The following SKAP2 variants were observed in gnomAD, a reference collection of about 807,000 sequenced individuals.
SKAP2 encodes the protein src kinase associated phosphoprotein 2.
SKAP2 carries 28 observed loss-of-function variants against 54.9 expected under a neutral mutation model. That is an observed-to-expected ratio of 0.51 (90% CI 0.38 to 0.70). The LOEUF (loss-of-function observed/expected upper bound fraction) is 0.70. Ranked by LOEUF, SKAP2 falls within the 30% of genes least tolerant of loss-of-function variation. The pLI is 0.00. For synonymous variants in SKAP2, 137 were observed against 134.3 expected, an observed-to-expected ratio of 1.02 and a Z score of -0.14; for missense variants, 356 against 424.1, an observed-to-expected ratio of 0.84 and a Z score of 1.41.
chr7:26,802,035 A>C (rs1405706458), intron 4 of SKAP2, among the ~76,000 whole-genome samples: 1 of 152,162 alleles, frequency 6.6e-6, no homozygotes, highest in African/African-American at 2.4e-5. Context: ...CAAAAGACTC[A>C]GAACAGCCAA....
intron 4 of SKAP2, among the ~76,000 whole-genome samples, chr7:26,762,481 C>T (rs958242022): frequency 2.9e-4 from 44 of 152,028 alleles, no homozygotes; most frequent in African/African-American, 1.1e-3. Context: ...ATGTATCATC[C>T]ACACACACAT....
At chr7:26,662,273 A>T (rs187588808), downstream of SKAP2, among the ~76,000 whole-genome samples, 241 of 152,244 alleles carry the variant, frequency 1.6e-3, 1 homozygote, top group African/African-American at 5.5e-3. Flanking sequence ...GAATTTTTTT[A>T]AAAATATTTT....
At chr7:26,847,435 G>A (rs1487600480) in intron 3 of SKAP2, among the ~76,000 whole-genome samples, 1 of 151,512 alleles carries the variant, frequency 6.6e-6, no homozygotes, top group Non-Finnish European at 1.5e-5. Context: ...GTTGAGTAGT[G>A]CAAAGCATTT....
intron 4 of SKAP2, among the ~76,000 whole-genome samples, chr7:26,745,385 C>A (rs1028781335): frequency 6.6e-6 from 1 of 152,150 alleles, no homozygotes; most frequent in East Asian, 1.9e-4. Context: ...TATCTTTTTT[C>A]CTGACAATTC....
chr7:26,841,998 C>T (rs1281646344), intron 4 of SKAP2, among the ~76,000 whole-genome samples: 1 of 151,428 alleles, frequency 6.6e-6, no homozygotes, highest in African/African-American at 2.4e-5. Flanking sequence ...ATTTATTCAT[C>T]AAAGGAAAGA....
intron 3 of SKAP2, among the ~76,000 whole-genome samples, chr7:26,851,332 T>C (rs546128865): frequency 6.6e-6 from 1 of 151,450 alleles, no homozygotes; most frequent in Admixed American, 6.6e-5. Context: ...TAGTTCCATC[T>C]ACTCCAGAGG....
downstream of SKAP2, among the ~76,000 whole-genome samples, chr7:26,664,433 G>A (rs548354113): frequency 1.3e-5 from 2 of 152,234 alleles, no homozygotes; most frequent in African/African-American, 4.8e-5. Context: ...GGAGCTGGGA[G>A]GGGAGGGTAG....
chr7:26,748,824 C>T (rs1414768991), intron 4 of SKAP2, among the ~76,000 whole-genome samples: 4 of 152,072 alleles, frequency 2.6e-5, no homozygotes, highest in Admixed American at 1.3e-4. Context: ...AAAGTGCCCC[C>T]AAACTGATAC....
chr7:26,849,782 C>CT (rs1785001883), intron 3 of SKAP2, among the ~76,000 whole-genome samples: 2 of 150,540 alleles, frequency 1.3e-5, no homozygotes, highest in Admixed American at 6.6e-5. Context: ...ATATGCCCTT[C>CT]TTTTAATAAT....
rs1787682947 is a variant in SKAP2 at position 26,725,469 on chromosome 7, C to A, written c.755G>T (p.Ser252Ile). The change falls in exon 9 of 13, where the codon AGC becomes ATC. Residue 252 changes from serine (S) to isoleucine (I), a missense_variant. Coordinates refer to ENST00000345317, the MANE Select transcript of SKAP2 (RefSeq NM_003930.5). ...HPLPISNPLT[S>I]SQPIDDEIYE... ...AATTTCATCATCTATTGGTTGACTG[C>A]TTGTTAGTGGATTGCTTATTGGTAG... is the stretch of plus-strand genomic sequence containing the variant. 1 of 1,611,800 alleles carries A rather than the reference C, an allele frequency of 6.2e-7. No homozygotes were observed. Among genetic ancestry groups the A allele is most frequent in the Non-Finnish European group, 8.5e-7 (1 of 1,179,326 alleles).
intron 3 of SKAP2, among the ~76,000 whole-genome samples, chr7:26,851,947 T>C (rs1447903254): frequency 6.6e-6 from 1 of 152,084 alleles, no homozygotes; most frequent in African/African-American, 2.4e-5. Context: ...ACCCCCCCAA[T>C]AGTGACATCA....
intron 4 of SKAP2, among the ~76,000 whole-genome samples, chr7:26,842,088 A>C (rs1375997430): frequency 6.6e-6 from 1 of 151,874 alleles, no homozygotes; most frequent in Non-Finnish European, 1.5e-5. Flanking sequence ...TAAATGTCCA[A>C]GTGGTAGTTT....
intron 4 of SKAP2, among the ~76,000 whole-genome samples, chr7:26,812,583 C>T (rs1209774188): frequency 6.6e-6 from 1 of 152,044 alleles, no homozygotes; most frequent in African/African-American, 2.4e-5. Flanking sequence ...TTTCATTTTA[C>T]CATGAATTAC....
At chr7:26,726,709 A>C (rs1787717155) in intron 7 of SKAP2, 173 bp downstream of exon 7, 2 of 485,712 alleles carry the variant, frequency 4.1e-6, no homozygotes, top group Non-Finnish European at 7.0e-6. Flanking sequence ...AATTAATCTG[A>C]AATTTTTAAA....
At chr7:26,699,612 T>C (rs978649210) in intron 9 of SKAP2, among the ~76,000 whole-genome samples, 1 of 152,086 alleles carries the variant, frequency 6.6e-6, no homozygotes, top group South Asian at 2.1e-4. Context: ...TCTAATAAAA[T>C]TTAAAACAAA....
At chr7:26,772,364 G>C (rs1311016468) in intron 4 of SKAP2, among the ~76,000 whole-genome samples, 1 of 151,942 alleles carries the variant, frequency 6.6e-6, no homozygotes, top group Non-Finnish European at 1.5e-5. Context: ...GTAGTTTTTT[G>C]ACCCTCACCC....
Position 26,701,960 on chromosome 7 carries a change from C to G in SKAP2, c.797-11598G>C, listed in dbSNP as rs137894362. On this transcript the variant is annotated intron_variant, in intron 9 of 12. Coordinates refer to ENST00000345317, the MANE Select transcript of SKAP2 (RefSeq NM_003930.5). ...GAATTTTCTGAAATCTGCCTTCCTA[C>G]AGTCTTAGCAAATGTGTGTGGGTAA... Among the ~76,000 whole-genome samples, 862 of 152,156 alleles carry G rather than the reference C, an allele frequency of 5.7e-3. 6 individuals are homozygous for G. Among genetic ancestry groups the G allele is most frequent in the African/African-American group, 0.02 (823 of 41,530 alleles).
At chr7:26,768,652 G>A (rs1009534441) in intron 4 of SKAP2, among the ~76,000 whole-genome samples, 6 of 152,210 alleles carry the variant, frequency 3.9e-5, no homozygotes, top group Admixed American at 2.0e-4. Context: ...AGGCAGGCCC[G>A]GTGGTGACAA....
intron 6 of SKAP2, among the ~76,000 whole-genome samples, chr7:26,729,561 G>T (rs190140642): frequency 1.3e-5 from 2 of 152,030 alleles, no homozygotes; most frequent in African/African-American, 4.8e-5. Context: ...GCAAAATAAG[G>T]AACAAATATG....
Sources: gnomAD v4.1 joint callset for allele counts (sites outside exome capture counted in the v4.1 genomes callset) on GRCh38, gnomAD v4.1.1 for gene constraint, MANE v1.5 for transcripts, NCBI Gene and HGNC (gene_info 2026-07-23, HGNC 2026-07-21) for gene names.